ATXN1: variants seen among roughly 807,000 people sequenced by gnomAD.
ATXN1 encodes the protein ataxin 1, also known as ataxin-1.
Under a neutral mutation model 56.4 loss-of-function variants are expected in ATXN1, and 8 were observed. The ratio of observed to expected loss-of-function variants is 0.14; its 90% CI spans 0.08 to 0.26. The LOEUF is 0.26. ATXN1 is among the 10% of genes least tolerant of loss of function. The probability of loss-of-function intolerance (pLI) is 1.00; values close to 1 mark genes in which losing one functional copy is unlikely to be tolerated. For synonymous variants in ATXN1, 514 were observed against 494.6 expected (o/e 1.04, Z -0.52); for missense variants, 987 against 1,106.5 (o/e 0.89, Z 1.53).
intron 7 of ATXN1, among the ~76,000 whole-genome samples, chr6:16,310,218 T>A (rs1268531202): frequency 2.0e-5 from 3 of 152,300 alleles, no homozygotes; most frequent in Non-Finnish European, 4.4e-5. Context: ...AAAAGAATTG[T>A]CAATGGCGAA....
At chr6:16,601,888 A>T in intron 3 of ATXN1, among the ~76,000 whole-genome samples, 1 of 152,094 alleles carries the variant, frequency 6.6e-6, no homozygotes, top group East Asian at 1.9e-4. Flanking sequence ...AACAATCCAG[A>T]GTAGAAATAC....
chr6:16,717,960 G>A (rs1289841861), intron 2 of ATXN1, among the ~76,000 whole-genome samples: 1 of 152,216 alleles, frequency 6.6e-6, no homozygotes, highest in Non-Finnish European at 1.5e-5. Context: ...GTTTCTGTTT[G>A]CTTCCCTATA....
intron 4 of ATXN1, among the ~76,000 whole-genome samples, chr6:16,574,615 C>T (rs1280586437): frequency 6.6e-6 from 1 of 152,150 alleles, no homozygotes; most frequent in African/African-American, 2.4e-5. Context: ...TAAGTGTCAA[C>T]TAGGTTTTTT....
chr6:16,488,342 G>A (rs903961193), intron 5 of ATXN1, among the ~76,000 whole-genome samples: 3 of 152,122 alleles, frequency 2.0e-5, no homozygotes, highest in Non-Finnish European at 2.9e-5. Context: ...TTAGGACCTT[G>A]GATCAGGTAC....
intron 7 of ATXN1, among the ~76,000 whole-genome samples, chr6:16,325,654 T>C (rs1002779721): frequency 1.3e-5 from 2 of 151,676 alleles, no homozygotes; most frequent in African/African-American, 4.9e-5. Flanking sequence ...CACCTCTTGG[T>C]GTAGAGTGCC....
At chr6:16,563,173 A>G (rs565601897) in intron 4 of ATXN1, among the ~76,000 whole-genome samples, 1 of 152,318 alleles carries the variant, frequency 6.6e-6, no homozygotes, top group South Asian at 2.1e-4. Flanking sequence ...AGATGAATAA[A>G]TGGTCCTCTA....
chr6:16,757,658 G>T (rs1012035156), intron 1 of ATXN1, among the ~76,000 whole-genome samples: 1 of 152,252 alleles, frequency 6.6e-6, no homozygotes, highest in African/African-American at 2.4e-5. Context: ...GTTTAGCTTT[G>T]TTGGCCATAA....
chr6:16,714,181 C>CCA (rs70999343), intron 2 of ATXN1, among the ~76,000 whole-genome samples: 2,482 of 137,600 alleles, frequency 0.018, 34 homozygotes, highest in African/African-American at 0.024. Context: ...AAACCACACA[C>CCA]CACACACACA....
intron 3 of ATXN1, among the ~76,000 whole-genome samples, chr6:16,619,312 T>C (rs1334042244): frequency 6.6e-6 from 1 of 152,048 alleles, no homozygotes; most frequent in Non-Finnish European, 1.5e-5. Context: ...CAACCAGAGA[T>C]GTTGAAAAAA....
intron 6 of ATXN1, among the ~76,000 whole-genome samples, chr6:16,455,463 C>T (rs945308365): frequency 2.0e-5 from 3 of 152,160 alleles, no homozygotes; most frequent in Non-Finnish European, 4.4e-5. Context: ...CAAGTCATTG[C>T]GGGTGGGAAT....
In ATXN1 at chr6:16,346,447, AAG is replaced by A. The variant is rs968141048; in HGVS notation, c.-160-17979_-160-17978del. On this transcript the variant is annotated intron_variant, in intron 6 of 7. Transcript: ENST00000436367. ...GCAGTAATCCTTGGACATGCAGTGG[AAG>A]AGAGGTTATAGTGAGCAGCTGCTGG... Among the ~76,000 whole-genome samples the A allele has an allele frequency of 2.0e-5, 3 of 152,158 alleles. No homozygotes were observed. In the East Asian group the frequency reaches 5.8e-4, roughly 29 times the overall value.
intron 2 of ATXN1, among the ~76,000 whole-genome samples, chr6:16,741,097 A>G (rs1304885478): frequency 6.6e-6 from 1 of 152,248 alleles, no homozygotes; most frequent in Non-Finnish European, 1.5e-5. Context: ...AGCACAGGCT[A>G]CATGTATTTC....
intron 6 of ATXN1, among the ~76,000 whole-genome samples, chr6:16,379,269 G>A (rs1370472731): frequency 6.6e-6 from 1 of 152,098 alleles, no homozygotes; most frequent in Non-Finnish European, 1.5e-5. Flanking sequence ...GGGAAGAGTG[G>A]GAGTGGGGAG....
At chr6:16,442,750 A>G (rs946588965) in intron 6 of ATXN1, among the ~76,000 whole-genome samples, 1 of 152,200 alleles carries the variant, frequency 6.6e-6, no homozygotes, top group African/African-American at 2.4e-5. Flanking sequence ...GGTGGCTCAC[A>G]CCTGTAATCC....
At chr6:16,388,361 A>G (rs1298055779) in intron 6 of ATXN1, among the ~76,000 whole-genome samples, 1 of 152,204 alleles carries the variant, frequency 6.6e-6, no homozygotes, top group Non-Finnish European at 1.5e-5. Flanking sequence ...CTTCACATAA[A>G]AACACATGAA....
chr6:16,347,141 G>A lies in ATXN1; in HGVS notation c.-160-18671C>T, dbSNP rs558309234. On this transcript the variant is annotated intron_variant, in intron 6 of 7. Coordinates refer to ENST00000436367, the MANE Select transcript of ATXN1 (RefSeq NM_001128164.2). Reference sequence around the variant, plus strand: ...TCCCCCTGCCCCTCCGTGGGCTCCTGTGCAGCCAGAGCCTCCCCGACGAGC... The same window carrying A: ...TCCCCCTGCCCCTCCGTGGGCTCCTATGCAGCCAGAGCCTCCCCGACGAGC... Among the ~76,000 whole-genome samples, 10 of 152,348 alleles carry A rather than the reference G, an allele frequency of 6.6e-5. No homozygotes were observed. In the East Asian group the frequency reaches 9.6e-4, roughly 15 times the overall value.
In ATXN1 at chr6:16,326,323, C is replaced by A; in HGVS notation, c.1917+71G>T. ...TTAATCCTGCCTCATAGAAGCAATT[C>A]GTCTTGCCAGGAGATGATGATGGCA... On this transcript the variant is annotated intron_variant, in intron 7 of 7. Transcript: ENST00000436367. This position sits in a 1 kb window ranked among gnomAD's most constrained non-coding sequence, Gnocchi z 6.6. 6.3e-7 allele frequency: 1 copy of A among 1,579,152 alleles called. No homozygotes were observed.
chr6:16,620,923 C>T (rs545006403), intron 3 of ATXN1, among the ~76,000 whole-genome samples: 1 of 152,316 alleles, frequency 6.6e-6, no homozygotes, highest in South Asian at 2.1e-4. Flanking sequence ...TGAGGTCCTA[C>T]TAAAAAGGGT....
intron 2 of ATXN1, among the ~76,000 whole-genome samples, chr6:16,729,026 A>C (rs1052354483): frequency 6.6e-6 from 1 of 152,234 alleles, no homozygotes; most frequent in African/African-American, 2.4e-5. Flanking sequence ...GGACCTCAGC[A>C]ATCCAAACAC....
Sources: allele counts gnomAD v4.1 joint callset (sites outside exome capture counted in the v4.1 genomes callset), GRCh38; gene constraint gnomAD v4.1.1; non-coding constraint Gnocchi (gnomAD v3.1); transcripts MANE v1.5; gene names NCBI Gene and HGNC (gene_info 2026-07-23, HGNC 2026-07-21).